Variants in GPC6 observed in about 807,000 individuals in gnomAD.
GPC6 encodes the protein glypican 6, also known as glypican-6.
GPC6 carries 14 observed loss-of-function variants against 55.2 expected under a neutral mutation model. The ratio of observed to expected loss-of-function variants is 0.25; its 90% CI spans 0.17 to 0.40. GPC6 has a LOEUF of 0.40. Ranked by LOEUF, GPC6 falls within the 10% of genes least tolerant of loss-of-function variation. The pLI is 1.00. For synonymous variants in GPC6, 278 were observed against 259.6 expected (o/e 1.07, Z -0.68); for missense variants, 641 against 708.5 (o/e 0.90, Z 1.08).
intron 1 of GPC6, among the ~76,000 whole-genome samples, chr13:93,355,658 A>T (rs1355669924): frequency 6.6e-6 from 1 of 152,190 alleles, no homozygotes; most frequent in Non-Finnish European, 1.5e-5. Context: ...GGCTTTCAGC[A>T]GAGAAGTGAT....
In GPC6 at chr13:93,716,938, G is replaced by A. The variant is rs181077009; in HGVS notation, c.320-113216G>A. ...TGGATGCACAAATACTTGCCATTATGTTACAATTGACTACAGTAGTCAGTA... is the reference window on the plus strand; with the variant it reads ...TGGATGCACAAATACTTGCCATTATATTACAATTGACTACAGTAGTCAGTA... On this transcript the variant is annotated intron_variant, in intron 2 of 8. Coordinates refer to ENST00000377047, the MANE Select transcript of GPC6 (RefSeq NM_005708.5). Among the ~76,000 whole-genome samples, 7 of 151,606 alleles carry A rather than the reference G, an allele frequency of 4.6e-5. No homozygotes were observed. The East Asian group carries it at 1.4e-3, about 30-fold the overall frequency.
chr13:94,073,459 T>G (rs1884805873), intron 4 of GPC6, among the ~76,000 whole-genome samples: 1 of 152,202 alleles, frequency 6.6e-6, no homozygotes, highest in Admixed American at 6.5e-5. Flanking sequence ...TTTAAGGGGC[T>G]GTTGGATATG....
intron 2 of GPC6, among the ~76,000 whole-genome samples, chr13:93,570,638 G>A (rs1876357367): frequency 6.6e-6 from 1 of 152,166 alleles, no homozygotes; most frequent in Non-Finnish European, 1.5e-5. Context: ...AGAAACAGTT[G>A]AGTGAGTAGA....
chr13:93,744,218 T>A (rs992762478), intron 2 of GPC6, among the ~76,000 whole-genome samples: 1 of 152,204 alleles, frequency 6.6e-6, no homozygotes, highest in Admixed American at 6.5e-5. Context: ...CCCGCTTGAC[T>A]TCCATGGCCA....
At chr13:93,526,486 G>T (rs1881651242) in intron 1 of GPC6, among the ~76,000 whole-genome samples, 1 of 152,040 alleles carries the variant, frequency 6.6e-6, no homozygotes, top group Admixed American at 6.6e-5. Flanking sequence ...TATAAATTGG[G>T]TTAAATGCTA....
rs747476828 is a variant in GPC6, at chr13:94,312,720, G to GCGCA, written c.1152+6598_1152+6599insGCAC. On this transcript the variant is annotated intron_variant, in intron 6 of 8. Coordinates refer to ENST00000377047, the MANE Select transcript of GPC6 (RefSeq NM_005708.5). ...CGAAGACACACACGCACACGCGCAC[G>GCGCA]CACACACACACACACACACACATGC... Among the ~76,000 whole-genome samples the GCGCA allele has an allele frequency of 8.3e-3, 1,134 of 136,256 alleles. 6 individuals carry two copies. Among genetic ancestry groups the GCGCA allele is most frequent in the Non-Finnish European group, 0.012 (752 of 65,366 alleles). 89.4% of individuals were successfully genotyped at this position (136,256 alleles called of 152,430 possible). A position where few individuals can be genotyped will look rare whatever the true frequency, so the allele number is the denominator to read the frequency against.
intron 2 of GPC6, among the ~76,000 whole-genome samples, chr13:93,732,512 A>T (rs9301904): frequency 0.92 from 139,841 of 152,230 alleles, 64,364 homozygotes; most frequent in Admixed American, 0.96. Context: ...CAGCAGTCAT[A>T]GAGTTTTGTC....
intron 4 of GPC6, among the ~76,000 whole-genome samples, chr13:94,047,195 A>G (rs986535113): frequency 6.6e-6 from 1 of 152,124 alleles, no homozygotes; most frequent in African/African-American, 2.4e-5. Flanking sequence ...TAGTAAAATC[A>G]GGAAAACAGC....
chr13:93,668,522 A>T (rs1881232635), intron 2 of GPC6, among the ~76,000 whole-genome samples: 1 of 152,214 alleles, frequency 6.6e-6, no homozygotes, highest in East Asian at 1.9e-4. Flanking sequence ...GATTTTTGAG[A>T]TGAAATCACC....
At chr13:93,564,793 AT>A (rs1459455017) in intron 2 of GPC6, among the ~76,000 whole-genome samples, 1 of 152,074 alleles carries the variant, frequency 6.6e-6, no homozygotes. Flanking sequence ...ATGTTTAAAG[AT>A]TTTTCATACA....
At chr13:93,841,337 AT>A (rs1887947432) in intron 3 of GPC6, among the ~76,000 whole-genome samples, 1 of 152,160 alleles carries the variant, frequency 6.6e-6, no homozygotes, top group South Asian at 2.1e-4. Flanking sequence ...TCACACAGAT[AT>A]TTGTAAGAAA....
intron 2 of GPC6, among the ~76,000 whole-genome samples, chr13:93,604,582 T>C (rs888472019): frequency 4.6e-5 from 7 of 152,132 alleles, no homozygotes; most frequent in Non-Finnish European, 8.8e-5. Flanking sequence ...CTTGGCCAGA[T>C]ATTTTTCATT....
intron 2 of GPC6, among the ~76,000 whole-genome samples, chr13:93,593,716 T>G (rs1877592761): frequency 6.6e-6 from 1 of 152,168 alleles, no homozygotes; most frequent in Admixed American, 6.5e-5. Flanking sequence ...TTGAAATTTA[T>G]CTTGCAGATA....
chr13:94,033,391 G>A (rs1883209733), intron 4 of GPC6, among the ~76,000 whole-genome samples: 1 of 152,146 alleles, frequency 6.6e-6, no homozygotes, highest in African/African-American at 2.4e-5. Context: ...TGACTTTCTT[G>A]GAACCTACAA....
intron 2 of GPC6, among the ~76,000 whole-genome samples, chr13:93,573,103 A>G (rs1876485639): frequency 6.6e-6 from 1 of 152,132 alleles, no homozygotes; most frequent in South Asian, 2.1e-4. Flanking sequence ...ATTGTATGCC[A>G]TACAATTTTC....
At chr13:93,886,598 A>G (rs945073895) in intron 3 of GPC6, among the ~76,000 whole-genome samples, 3 of 152,066 alleles carry the variant, frequency 2.0e-5, no homozygotes, top group Non-Finnish European at 4.4e-5. Context: ...AAACAAGGGT[A>G]AGGTACACTA....
intron 2 of GPC6, among the ~76,000 whole-genome samples, chr13:93,707,148 G>A (rs545874135): frequency 6.6e-6 from 1 of 151,710 alleles, no homozygotes; most frequent in East Asian, 2.0e-4. Context: ...CATTTCCATA[G>A]TTAGAGTTAG....
chr13:93,539,841 G>A lies in GPC6; in HGVS notation c.161-5422G>A, dbSNP rs191904089. On this transcript the variant is annotated intron_variant, in intron 1 of 8. Coordinates refer to ENST00000377047, the MANE Select transcript of GPC6 (RefSeq NM_005708.5). ...CAAGTAGCTGGGATTACAAGCATGC[G>A]CCACCACTCCCGGCTAATTTTGTAT... 8.6e-3 allele frequency among the ~76,000 whole-genome samples: 1,310 copies of A among 151,930 alleles called. 12 individuals carry two copies. The highest frequency in any genetic ancestry group is 0.034 in the Middle Eastern group (10 of 294).
intron 1 of GPC6, among the ~76,000 whole-genome samples, chr13:93,445,190 A>G (rs944501472): frequency 2.6e-5 from 4 of 152,202 alleles, no homozygotes; most frequent in Non-Finnish European, 5.9e-5. Context: ...CGTCTGGAGT[A>G]GTAAGGGATT....
Sources: gnomAD v4.1 joint callset for allele counts (sites outside exome capture counted in the v4.1 genomes callset) on GRCh38, gnomAD v4.1.1 for gene constraint, MANE v1.5 for transcripts, NCBI Gene and HGNC (gene_info 2026-07-23, HGNC 2026-07-21) for gene names.